PXDNL: variants seen among roughly 807,000 people sequenced by gnomAD.
PXDNL encodes peroxidasin like.
A neutral mutation model predicts 150.8 loss-of-function variants in PXDNL; 145 were observed. That is an observed-to-expected ratio of 0.96 (90% CI 0.84 to 1.10). The LOEUF (loss-of-function observed/expected upper bound fraction) is 1.10. Among genes scored for constraint, PXDNL ranks in the 50% least tolerant of loss-of-function variants. The pLI, the probability that PXDNL is intolerant of heterozygous loss-of-function variation, is 0.00. For missense variants in PXDNL, 2,087 were observed against 1,873.9 expected, an observed-to-expected ratio of 1.11 and a Z score of -2.10; for synonymous variants, 757 against 725.7, an observed-to-expected ratio of 1.04 and a Z score of -0.69.
intron 21 of PXDNL, among the ~76,000 whole-genome samples, chr8:51,326,447 G>A (rs1209956810): frequency 8.5e-5 from 13 of 152,172 alleles, no homozygotes; most frequent in African/African-American, 2.2e-4. Flanking sequence ...GCAGTGAGCC[G>A]AGATTGCACC....
chr8:51,557,520 G>A lies in PXDNL; in HGVS notation c.309-609C>T, dbSNP rs1441827103. ...TTCTTCAACCATAGGTTAGTAAGGT[G>A]ATTTCTTCTCCACACTCTTTGTTAA... On this transcript the variant is annotated intron_variant, in intron 3 of 22. Transcript: ENST00000356297. Among the ~76,000 whole-genome samples the A allele has an allele frequency of 4.6e-5, 7 of 152,178 alleles. No homozygotes were observed. In the East Asian group the frequency reaches 1.4e-3, roughly 29 times the overall value.
chr8:51,326,636 C>G (rs1805501498), intron 21 of PXDNL, among the ~76,000 whole-genome samples: 1 of 152,168 alleles, frequency 6.6e-6, no homozygotes, highest in Non-Finnish European at 1.5e-5. Flanking sequence ...TTTTAGATTT[C>G]CTAAGGATAT....
In PXDNL at chr8:51,482,789, C is replaced by A. The variant is rs191980372; in HGVS notation, c.524+854G>T. On this transcript the variant is annotated intron_variant, in intron 6 of 22. Coordinates refer to ENST00000356297, the MANE Select transcript of PXDNL (RefSeq NM_144651.5). ...ATCTTCTGCCATGATTGTGAGGCCT[C>A]CCCAGCCATGAGGAACTGTGAGTCC... is the stretch of plus-strand genomic sequence containing the variant. Among the ~76,000 whole-genome samples, 16 of 152,298 alleles carry A rather than the reference C, an allele frequency of 1.1e-4. No individual in the cohort carries two copies. In the East Asian group the frequency reaches 2.9e-3, roughly 28 times the overall value.
In PXDNL at chr8:51,744,333, GGAAAGAGA is replaced by G. The variant is rs1252922927; in HGVS notation, c.164+64840_164+64847del. On this transcript the variant is annotated intron_variant, in intron 1 of 22. Coordinates refer to ENST00000356297, the MANE Select transcript of PXDNL (RefSeq NM_144651.5). ...GAGAAAGAAAGAAAGAAGAAAGGAAGGAAAGAGAGAAAGAGAGAAAGAAAAGAGAGAGA... is the reference window on the plus strand; with the variant it reads ...GAGAAAGAAAGAAAGAAGAAAGGAAGGAAAGAGAGAAAGAAAAGAGAGAGA... 4.1e-3 allele frequency among the ~76,000 whole-genome samples: 606 copies of G among 149,544 alleles called. 6 individuals carry two copies. The highest frequency in any genetic ancestry group is 0.012 in the African/African-American group (498 of 40,750).
At chr8:51,439,824 C>CAAAAAAAAAAAAA in intron 12 of PXDNL, among the ~76,000 whole-genome samples, 1 of 101,554 alleles carries the variant, frequency 9.8e-6, no homozygotes, top group Non-Finnish European at 1.8e-5. Context: ...GACTCCATCT[C>CAAAAAAAAAAAAA]AAAAAAAAAA....
chr8:51,665,087 C>T (rs556083194), intron 1 of PXDNL, among the ~76,000 whole-genome samples: 5 of 152,184 alleles, frequency 3.3e-5, no homozygotes, highest in African/African-American at 1.2e-4. Context: ...CTGCCAATGC[C>T]AGGACTGGCT....
intron 4 of PXDNL, among the ~76,000 whole-genome samples, chr8:51,540,575 T>G (rs939947064): frequency 1.3e-5 from 2 of 152,190 alleles, no homozygotes; most frequent in African/African-American, 4.8e-5. Flanking sequence ...TAGGAAAATA[T>G]ATTTTATATG....
At chr8:51,710,524 G>A (rs1269381338) in intron 1 of PXDNL, among the ~76,000 whole-genome samples, 1 of 152,110 alleles carries the variant, frequency 6.6e-6, no homozygotes, top group African/African-American at 2.4e-5. Context: ...TCACCATGTT[G>A]TACAATAGAT....
intron 4 of PXDNL, among the ~76,000 whole-genome samples, chr8:51,539,973 A>T (rs914728227): frequency 6.6e-6 from 1 of 151,212 alleles, no homozygotes; most frequent in Non-Finnish European, 1.5e-5. Flanking sequence ...CACTCTGTCA[A>T]TCAGGCTGGA....
At chr8:51,577,586 C>A (rs1358175833) in intron 3 of PXDNL, among the ~76,000 whole-genome samples, 3 of 135,320 alleles carry the variant, frequency 2.2e-5, no homozygotes, top group African/African-American at 9.2e-5. Flanking sequence ...TAAAATCTAT[C>A]TATCTACATA....
intron 2 of PXDNL, among the ~76,000 whole-genome samples, chr8:51,594,090 C>T (rs923033941): frequency 2.0e-5 from 3 of 152,166 alleles, no homozygotes; most frequent in African/African-American, 7.2e-5. Context: ...CACCACCATG[C>T]AAATATATTT....
chr8:51,622,657 C>T (rs1486632490), intron 2 of PXDNL, among the ~76,000 whole-genome samples: 3 of 152,148 alleles, frequency 2.0e-5, no homozygotes, highest in African/African-American at 7.2e-5. Flanking sequence ...GTAGAAAATG[C>T]TCTGGATAAG....
intron 6 of PXDNL, among the ~76,000 whole-genome samples, chr8:51,479,534 C>T (rs973912090): frequency 6.6e-6 from 1 of 152,156 alleles, no homozygotes; most frequent in African/African-American, 2.4e-5. Context: ...CCAGTTCTGA[C>T]AAGTAAGAAA....
intron 1 of PXDNL, among the ~76,000 whole-genome samples, chr8:51,745,751 C>A (rs889574446): frequency 7.7e-6 from 1 of 130,084 alleles, no homozygotes; most frequent in African/African-American, 2.8e-5. Context: ...AATTCTCCAC[C>A]ACTACCATTT....
chr8:51,550,549 A>T (rs1812456986), intron 4 of PXDNL, among the ~76,000 whole-genome samples: 1 of 152,208 alleles, frequency 6.6e-6, no homozygotes, highest in African/African-American at 2.4e-5. Context: ...AATAAATGTG[A>T]TACACCACAT....
intron 2 of PXDNL, among the ~76,000 whole-genome samples, chr8:51,648,763 C>T (rs1351072200): frequency 2.4e-4 from 36 of 152,142 alleles, no homozygotes; most frequent in Non-Finnish European, 1.0e-4. Flanking sequence ...AAACTAACAT[C>T]ATACAGCTAA....
At chr8:51,369,910 G>GCCCTCCT (rs1179951799) in intron 19 of PXDNL, among the ~76,000 whole-genome samples, 1 of 152,132 alleles carries the variant, frequency 6.6e-6, no homozygotes, top group Non-Finnish European at 1.5e-5. Flanking sequence ...AACCAGAGGA[G>GCCCTCCT]CCCTCCTCCG....
chr8:51,541,268 A>AAAAAG, intron 4 of PXDNL, among the ~76,000 whole-genome samples: 1 of 151,886 alleles, frequency 6.6e-6, no homozygotes, highest in African/African-American at 2.4e-5. Flanking sequence ...AAAAAAAAAA[A>AAAAAG]AAGAATATTG....
intron 2 of PXDNL, among the ~76,000 whole-genome samples, chr8:51,653,833 C>T (rs1005993757): frequency 2.6e-5 from 4 of 152,150 alleles, no homozygotes; most frequent in African/African-American, 9.7e-5. Context: ...CAAACACGCC[C>T]ACATGGGTCT....
Sources: allele counts gnomAD v4.1 joint callset (sites outside exome capture counted in the v4.1 genomes callset), GRCh38; gene constraint gnomAD v4.1.1; transcripts MANE v1.5; gene names NCBI Gene and HGNC (gene_info 2026-07-23, HGNC 2026-07-21).